The following PRKAG2 variants were observed in gnomAD, a reference collection of about 807,000 sequenced individuals.
The protein encoded by PRKAG2 is protein kinase AMP-activated non-catalytic subunit gamma 2.
Under a neutral mutation model 69.6 loss-of-function variants are expected in PRKAG2, and 26 were observed. That is an observed-to-expected ratio of 0.37 (90% CI 0.27 to 0.52). PRKAG2 has a LOEUF of 0.52. Ranked by LOEUF, PRKAG2 falls within the 20% of genes least tolerant of loss-of-function variation. PRKAG2 has a pLI of 0.90. For missense variants in PRKAG2, 557 were observed against 740.0 expected, an observed-to-expected ratio of 0.75 and a Z score of 2.87; for synonymous variants, 293 against 285.0, an observed-to-expected ratio of 1.03 and a Z score of -0.28.
At chr7:151,616,468 C>T (rs968082805) in intron 5 of PRKAG2, among the ~76,000 whole-genome samples, 2 of 152,214 alleles carry the variant, frequency 1.3e-5, no homozygotes, top group South Asian at 2.1e-4. Flanking sequence ...GACAGAGCAG[C>T]GTGTGGCAAC....
chr7:151,585,757 G>A (rs375318174), intron 6 of PRKAG2, among the ~76,000 whole-genome samples: 73 of 152,310 alleles, frequency 4.8e-4, no homozygotes, highest in African/African-American at 1.6e-3. Flanking sequence ...GCTGAAGAGC[G>A]TGGGGCACAA....
intron 3 of PRKAG2, among the ~76,000 whole-genome samples, chr7:151,718,092 C>T (rs147903839): frequency 2.0e-5 from 3 of 152,330 alleles, no homozygotes; most frequent in African/African-American, 4.8e-5. Context: ...CCAGAGCAGA[C>T]ACTATCTTAG....
chr7:151,593,331 G>A (rs992610250), intron 6 of PRKAG2, among the ~76,000 whole-genome samples: 3 of 152,166 alleles, frequency 2.0e-5, no homozygotes, highest in African/African-American at 7.2e-5. Context: ...GGGACTACAG[G>A]TGACTTCTAC....
At chr7:151,755,183 G>A (rs1182488937) in intron 3 of PRKAG2, among the ~76,000 whole-genome samples, 1 of 152,152 alleles carries the variant, frequency 6.6e-6, no homozygotes, top group Non-Finnish European at 1.5e-5. Flanking sequence ...TGGCGAGGTG[G>A]TGCTCCTTAG....
chr7:151,576,578 G>T, intron 6 of PRKAG2, 126 bp from the exon 7 acceptor site: 1 of 785,538 alleles, frequency 1.3e-6, no homozygotes, highest in South Asian at 1.5e-5. Flanking sequence ...TTGGCTCACA[G>T]CAACCTCTGC....
intron 3 of PRKAG2, among the ~76,000 whole-genome samples, chr7:151,704,061 CAAA>C (rs555720776): frequency 2.1e-5 from 3 of 140,540 alleles, no homozygotes; most frequent in African/African-American, 7.8e-5. Context: ...GACTCTGTCT[CAAA>C]AAAAAAAATG....
chr7:151,605,047 C>T (rs569434732), intron 5 of PRKAG2, among the ~76,000 whole-genome samples: 1 of 152,228 alleles, frequency 6.6e-6, no homozygotes, highest in Non-Finnish European at 1.5e-5. Context: ...GACAGGGTCT[C>T]GCTCTGTCAC....
At chr7:151,641,689 C>A (rs1381712119) in intron 4 of PRKAG2, among the ~76,000 whole-genome samples, 1 of 150,784 alleles carries the variant, frequency 6.6e-6, no homozygotes, top group East Asian at 2.0e-4. Flanking sequence ...GGAGTGCCAG[C>A]ACGTGCCACC....
intron 1 of PRKAG2, among the ~76,000 whole-genome samples, chr7:151,856,143 A>G (rs1009127103): frequency 1.3e-5 from 2 of 152,226 alleles, no homozygotes; most frequent in African/African-American, 4.8e-5. Flanking sequence ...GCAAACCTAC[A>G]TAGGGTATCA....
chr7:151,792,571 A>C (rs1054702137), intron 1 of PRKAG2, among the ~76,000 whole-genome samples: 1 of 152,138 alleles, frequency 6.6e-6, no homozygotes, highest in Admixed American at 6.5e-5. Context: ...AGCGTTTCTG[A>C]TGTTTTGTCT....
chr7:151,852,507 T>C (rs916898941), intron 1 of PRKAG2, among the ~76,000 whole-genome samples: 3 of 151,622 alleles, frequency 2.0e-5, no homozygotes, highest in African/African-American at 7.3e-5. Context: ...AAAAAGAAAG[T>C]AAACCCTACG....
At chr7:151,731,346 A>G (rs2256079) in intron 3 of PRKAG2, among the ~76,000 whole-genome samples, 105,373 of 152,130 alleles carry the variant, frequency 0.69, 37,570 homozygotes, top group East Asian at 0.91. Flanking sequence ...GAGAGGGGTA[A>G]GGGCTGAGCA....
At chr7:151,618,045 G>A (rs949607162) in intron 5 of PRKAG2, among the ~76,000 whole-genome samples, 1 of 152,132 alleles carries the variant, frequency 6.6e-6, no homozygotes, top group Non-Finnish European at 1.5e-5. Flanking sequence ...AAGTTGGCTG[G>A]GTGCGGTGGC....
rs73160020 is a variant in PRKAG2, at chr7:151,807,449, T to C, written c.115-20908A>G. 10 of 457,900 alleles carry C rather than the reference T, an allele frequency of 2.2e-5. No homozygotes were observed. The highest frequency in any genetic ancestry group is 9.3e-5 in the South Asian group (6 of 64,570). 28.4% of individuals were successfully genotyped at this position (457,900 alleles called of 1,614,324 possible). ...ATTCTCTAAAACTCTCCAGTTTCAATTGGCCTCTTGGTGCCAAAGCACCAT... is the reference window on the plus strand; with the variant it reads ...ATTCTCTAAAACTCTCCAGTTTCAACTGGCCTCTTGGTGCCAAAGCACCAT... On this transcript the variant is annotated intron_variant, in intron 1 of 15. Transcript: ENST00000287878. This position sits in a 1 kb window ranked among gnomAD's most constrained non-coding sequence, Gnocchi z 4.4.
intron 1 of PRKAG2, among the ~76,000 whole-genome samples, chr7:151,871,162 T>C (rs1039584531): frequency 3.3e-5 from 5 of 152,226 alleles, no homozygotes; most frequent in Non-Finnish European, 4.4e-5. Context: ...ATGGGGTCTA[T>C]GAACTTTAGC....
chr7:151,847,686 T>C (rs991623094), intron 1 of PRKAG2, among the ~76,000 whole-genome samples: 1 of 152,234 alleles, frequency 6.6e-6, no homozygotes, highest in African/African-American at 2.4e-5. Context: ...CAAGCTCCGC[T>C]GGGGCTGCTC....
At chr7:151,778,518 C>T (rs1290350135) in intron 3 of PRKAG2, among the ~76,000 whole-genome samples, 4 of 152,198 alleles carry the variant, frequency 2.6e-5, no homozygotes, top group Non-Finnish European at 5.9e-5. Flanking sequence ...CCATCCTGGA[C>T]CTCCACACTC....
intron 11 of PRKAG2, among the ~76,000 whole-genome samples, chr7:151,568,019 A>G (rs1806656886): frequency 6.6e-6 from 1 of 152,248 alleles, no homozygotes; most frequent in African/African-American, 2.4e-5. Flanking sequence ...TACTGGTTCT[A>G]TTTGACTGAT....
chr7:151,715,401 G>A (rs368647960), intron 3 of PRKAG2, among the ~76,000 whole-genome samples: 10 of 150,026 alleles, frequency 6.7e-5, no homozygotes, highest in African/African-American at 2.2e-4. Flanking sequence ...AGGCTGGAGT[G>A]CAGTGGCACA....
Sources: gnomAD v4.1 joint callset for allele counts (sites outside exome capture counted in the v4.1 genomes callset) on GRCh38, gnomAD v4.1.1 for gene constraint, Gnocchi (gnomAD v3.1) non-coding constraint, MANE v1.5 for transcripts, NCBI Gene and HGNC (gene_info 2026-07-23, HGNC 2026-07-21) for gene names.